PRKN: variants seen among roughly 807,000 people sequenced by gnomAD.
The protein encoded by PRKN is parkin RBR E3 ubiquitin protein ligase.
PRKN carries 56 observed loss-of-function variants against 59.5 expected under a neutral mutation model. That is an observed-to-expected ratio of 0.94 (90% CI 0.76 to 1.18). PRKN has a LOEUF of 1.18. Ranked by LOEUF, PRKN falls within the 50% of genes most tolerant of loss-of-function variation. PRKN has a pLI of 0.00. For synonymous variants in PRKN, 250 were observed against 222.1 expected (o/e 1.13, Z -1.12); for missense variants, 657 against 596.4 (o/e 1.10, Z -1.06).
intron 4 of PRKN, among the ~76,000 whole-genome samples, chr6:162,199,072 A>T (rs1784614455): frequency 6.6e-6 from 1 of 152,182 alleles, no homozygotes; most frequent in African/African-American, 2.4e-5. Flanking sequence ...GGCAGAAGCG[A>T]CTTTTCAACA....
Position 161,714,086 on chromosome 6 carries a change from G to A in PRKN, c.871+71686C>T, listed in dbSNP as rs151131642. Among the ~76,000 whole-genome samples the A allele has an allele frequency of 1.1e-3, 162 of 152,236 alleles. 1 individual carries two copies. The highest frequency in any genetic ancestry group is 3.6e-3 in the African/African-American group (149 of 41,544). On this transcript the variant is annotated intron_variant, in intron 7 of 11. Coordinates refer to ENST00000366898, the MANE Select transcript of PRKN (RefSeq NM_004562.3). ...CCTCAGGTATGTCTTTATTGGCAACGTGAGAACGACGGATACACACGGTGA... is the reference window on the plus strand; with the variant it reads ...CCTCAGGTATGTCTTTATTGGCAACATGAGAACGACGGATACACACGGTGA...
chr6:162,518,174 A>G lies in PRKN; in HGVS notation c.8-74701T>C, dbSNP rs576221191. 1.6e-4 allele frequency among the ~76,000 whole-genome samples: 25 copies of G among 152,338 alleles called. No homozygotes were observed. In the South Asian group the frequency reaches 5.2e-3, roughly 32 times the overall value. Reference sequence around the variant, plus strand: ...TCACATGGTGAGCTAATCAGTTAACAGTCTTACTACATAAAAATTACAAGA... The same window carrying G: ...TCACATGGTGAGCTAATCAGTTAACGGTCTTACTACATAAAAATTACAAGA... On this transcript the variant is annotated intron_variant, in intron 1 of 11. Coordinates refer to ENST00000366898, the MANE Select transcript of PRKN (RefSeq NM_004562.3).
chr6:161,743,952 G>A (rs1338635629), intron 7 of PRKN, among the ~76,000 whole-genome samples: 3 of 152,088 alleles, frequency 2.0e-5, no homozygotes, highest in African/African-American at 7.2e-5. Context: ...TTACCAAACT[G>A]TTCCACGGAG....
chr6:162,024,303 T>C (rs904390766), intron 5 of PRKN, among the ~76,000 whole-genome samples: 1 of 139,332 alleles, frequency 7.2e-6, no homozygotes, highest in Admixed American at 8.0e-5. Flanking sequence ...GTTCAAGCAA[T>C]TCTCCTGCTT....
intron 10 of PRKN, among the ~76,000 whole-genome samples, chr6:161,383,644 G>C (rs1417264510): frequency 6.6e-6 from 1 of 152,196 alleles, no homozygotes; most frequent in Non-Finnish European, 1.5e-5. Context: ...TGCAGCTCAT[G>C]GGGTTCATGG....
intron 6 of PRKN, among the ~76,000 whole-genome samples, 153 bp from the exon 7 acceptor site, chr6:161,786,061 C>A (rs146977038): frequency 1.7e-4 from 26 of 152,320 alleles, no homozygotes; most frequent in Middle Eastern, 3.4e-3. Context: ...TGTATACCAA[C>A]ACAACATCTT....
At chr6:161,731,300 G>A (rs1479561463) in intron 7 of PRKN, among the ~76,000 whole-genome samples, 1 of 152,214 alleles carries the variant, frequency 6.6e-6, no homozygotes, top group African/African-American at 2.4e-5. Context: ...GGTGGGTCAT[G>A]ACTGAAAAAA....
chr6:161,814,524 T>A (rs578034529), intron 6 of PRKN, among the ~76,000 whole-genome samples: 1 of 152,222 alleles, frequency 6.6e-6, no homozygotes, highest in East Asian at 1.9e-4. Flanking sequence ...TTTTTTGAGA[T>A]GGAGTTTCAC....
At chr6:161,418,753 T>C (rs953786558) in intron 9 of PRKN, among the ~76,000 whole-genome samples, 2 of 152,240 alleles carry the variant, frequency 1.3e-5, no homozygotes, top group Non-Finnish European at 2.9e-5. Flanking sequence ...AATTCACTCT[T>C]TCTATGGCCT....
chr6:161,955,914 C>T (rs9458425), intron 6 of PRKN, among the ~76,000 whole-genome samples: 21,566 of 152,072 alleles, frequency 0.14, 1,659 homozygotes, highest in South Asian at 0.24. Flanking sequence ...TGAAAGCATG[C>T]GTGCCAGTCA....
intron 7 of PRKN, among the ~76,000 whole-genome samples, chr6:161,743,572 T>C (rs932460951): frequency 2.0e-5 from 3 of 151,886 alleles, no homozygotes; most frequent in Non-Finnish European, 2.9e-5. Context: ...TATCTCACAA[T>C]GATCACCACC....
intron 4 of PRKN, among the ~76,000 whole-genome samples, chr6:162,110,901 CA>C (rs896678207): frequency 2.0e-5 from 3 of 152,110 alleles, no homozygotes; most frequent in Non-Finnish European, 4.4e-5. Flanking sequence ...AGGACAAATC[CA>C]GATTCTGAGA....
chr6:161,644,540 G>T (rs552722354), intron 7 of PRKN, among the ~76,000 whole-genome samples: 3 of 152,188 alleles, frequency 2.0e-5, no homozygotes, highest in Non-Finnish European at 4.4e-5. Context: ...CCCTTAGTTC[G>T]TTTGATTCAA....
intron 4 of PRKN, among the ~76,000 whole-genome samples, chr6:162,122,292 T>C (rs925580307): frequency 6.6e-6 from 1 of 152,118 alleles, no homozygotes; most frequent in African/African-American, 2.4e-5. Flanking sequence ...TGTGTGCTCA[T>C]CTCCTGCAGC....
At chr6:162,178,563 G>A (rs1783643432) in intron 4 of PRKN, among the ~76,000 whole-genome samples, 1 of 152,146 alleles carries the variant, frequency 6.6e-6, no homozygotes, top group South Asian at 2.1e-4. Flanking sequence ...CTACTACCAA[G>A]CTATTTGTTT....
chr6:162,512,503 C>G (rs952568748), intron 1 of PRKN, among the ~76,000 whole-genome samples: 3 of 152,182 alleles, frequency 2.0e-5, no homozygotes, highest in Non-Finnish European at 4.4e-5. Flanking sequence ...TGAATAGGTT[C>G]TCAGCCTTAT....
intron 3 of PRKN, among the ~76,000 whole-genome samples, chr6:162,205,672 T>G (rs1784905664): frequency 6.6e-6 from 1 of 152,138 alleles, no homozygotes; most frequent in Non-Finnish European, 1.5e-5. Context: ...TAGAACAATG[T>G]CACCCAAGAG....
intron 1 of PRKN, among the ~76,000 whole-genome samples, chr6:162,603,313 CAA>C (rs1781782259): frequency 1.3e-5 from 2 of 152,070 alleles, no homozygotes; most frequent in Admixed American, 6.5e-5. Context: ...CCTTAACTAC[CAA>C]AAAAGTTGAG....
At chr6:162,148,947 C>A (rs1245424031) in intron 4 of PRKN, among the ~76,000 whole-genome samples, 1 of 152,112 alleles carries the variant, frequency 6.6e-6, no homozygotes, top group Non-Finnish European at 1.5e-5. Context: ...TATGGTTGCT[C>A]ATATGTGTGG....
Sources: allele counts gnomAD v4.1 joint callset (sites outside exome capture counted in the v4.1 genomes callset), GRCh38; gene constraint gnomAD v4.1.1; transcripts MANE v1.5; gene names NCBI Gene and HGNC (gene_info 2026-07-23, HGNC 2026-07-21).